CDH12: variants seen among roughly 807,000 people sequenced by gnomAD.
CDH12 encodes the protein cadherin-12.
A neutral mutation model predicts 74.1 loss-of-function variants in CDH12; 41 were observed. That is an observed-to-expected ratio of 0.55 (90% confidence interval 0.43 to 0.72). The LOEUF (loss-of-function observed/expected upper bound fraction) is 0.72. CDH12 is among the 30% of genes least tolerant of loss of function. The pLI, the probability that CDH12 is intolerant of heterozygous loss-of-function variation, is 0.00. For synonymous variants in CDH12, 399 were observed against 355.0 expected (o/e 1.12, Z -1.39); for missense variants, 945 against 977.2 (o/e 0.97, Z 0.44).
intron 3 of CDH12, among the ~76,000 whole-genome samples, chr5:22,235,105 C>T (rs553861453): frequency 6.6e-6 from 1 of 152,278 alleles, no homozygotes; most frequent in African/African-American, 2.4e-5. Context: ...ATATCATCAT[C>T]TTGTTTATAT....
chr5:21,777,340 T>C (rs138330199), intron 11 of CDH12, among the ~76,000 whole-genome samples: 1 of 152,150 alleles, frequency 6.6e-6, no homozygotes, highest in Admixed American at 6.6e-5. Context: ...GTTTTTTCTT[T>C]CTAAAATGCA....
chr5:21,812,098 AC>A (rs1747777628), intron 9 of CDH12, among the ~76,000 whole-genome samples: 1 of 152,058 alleles, frequency 6.6e-6, no homozygotes, highest in South Asian at 2.1e-4. Context: ...AACAGTAATA[AC>A]AATATGTACT....
At chr5:22,435,293 C>T (rs1561401904) in intron 2 of CDH12, among the ~76,000 whole-genome samples, 1 of 152,024 alleles carries the variant, frequency 6.6e-6, no homozygotes, top group Non-Finnish European at 1.5e-5. Flanking sequence ...CCAAGTTCTT[C>T]AGCTTTGGGA....
At chr5:22,203,644 A>G (rs192212705) in intron 4 of CDH12, among the ~76,000 whole-genome samples, 3 of 152,272 alleles carry the variant, frequency 2.0e-5, no homozygotes. Flanking sequence ...TGGTAGTTCT[A>G]TTTTTAATAT....
At chr5:22,677,890 C>T (rs1310789600) in intron 1 of CDH12, among the ~76,000 whole-genome samples, 1 of 152,034 alleles carries the variant, frequency 6.6e-6, no homozygotes, top group Non-Finnish European at 1.5e-5. Flanking sequence ...TGAAGGACCT[C>T]TTCCTGGTGA....
chr5:21,945,670 G>C (rs980705999), intron 6 of CDH12, among the ~76,000 whole-genome samples: 6 of 151,554 alleles, frequency 4.0e-5, no homozygotes, highest in African/African-American at 1.5e-4. Context: ...CAAAAGAAGA[G>C]AGCACAGAGC....
chr5:21,798,878 G>A (rs2149918189), intron 10 of CDH12, among the ~76,000 whole-genome samples: 1 of 152,104 alleles, frequency 6.6e-6, no homozygotes, highest in Admixed American at 6.6e-5. Flanking sequence ...ACAGACATTG[G>A]TACCAAACGG....
intron 6 of CDH12, among the ~76,000 whole-genome samples, chr5:21,974,777 G>C (rs888991343): frequency 6.6e-6 from 1 of 152,014 alleles, no homozygotes; most frequent in Admixed American, 6.6e-5. Flanking sequence ...GCACTATATA[G>C]GTGTCTGGAA....
chr5:22,429,578 T>C (rs1446474549), intron 2 of CDH12, among the ~76,000 whole-genome samples: 1 of 152,202 alleles, frequency 6.6e-6, no homozygotes, highest in Non-Finnish European at 1.5e-5. Flanking sequence ...ATCAGCACCA[T>C]CCTATCATTT....
At chr5:21,840,047 C>T (rs929884537) in intron 8 of CDH12, among the ~76,000 whole-genome samples, 7 of 152,074 alleles carry the variant, frequency 4.6e-5, no homozygotes, top group African/African-American at 1.7e-4. Flanking sequence ...TATTACAAAA[C>T]TAAAATGAAA....
At chr5:22,532,923 G>A (rs996637765) in intron 1 of CDH12, among the ~76,000 whole-genome samples, 1 of 151,224 alleles carries the variant, frequency 6.6e-6, no homozygotes, top group African/African-American at 2.4e-5. Context: ...AAAGCATAAA[G>A]GATAAAATAT....
At chr5:22,252,295 T>A (rs913916172) in intron 3 of CDH12, among the ~76,000 whole-genome samples, 1 of 152,150 alleles carries the variant, frequency 6.6e-6, no homozygotes, top group East Asian at 1.9e-4. Context: ...GGGACACATA[T>A]AATAATGCAA....
At chr5:22,102,420 G>A (rs1744187879) in intron 4 of CDH12, among the ~76,000 whole-genome samples, 1 of 152,140 alleles carries the variant, frequency 6.6e-6, no homozygotes, top group Non-Finnish European at 1.5e-5. Context: ...TGTTATCCCA[G>A]CACTTTGGGA....
At chr5:22,823,350 T>A (rs189487142) in intron 1 of CDH12, among the ~76,000 whole-genome samples, 3 of 151,778 alleles carry the variant, frequency 2.0e-5, no homozygotes, top group Admixed American at 6.6e-5. Context: ...AACCTGCACA[T>A]TGTGCACATC....
At position 22,630,348 on chromosome 5, in the gene CDH12, C is replaced by A. The variant is rs1738520266; in HGVS notation, c.-522-124984G>T. ...GAACAAAACTGGAGGTATCATATTA[C>A]CCCACTTGAACAAAACTGGAGGTAC... On this transcript the variant is annotated intron_variant, in intron 1 of 14. Coordinates refer to ENST00000382254, the MANE Select transcript of CDH12 (RefSeq NM_004061.5). Among the ~76,000 whole-genome samples, 5 of 151,994 alleles carry A rather than the reference C, an allele frequency of 3.3e-5. No individual in the cohort carries two copies. In the South Asian group the frequency reaches 1.0e-3, roughly 32 times the overall value.
At chr5:22,667,677 C>A (rs1323665611) in intron 1 of CDH12, among the ~76,000 whole-genome samples, 2 of 152,088 alleles carry the variant, frequency 1.3e-5, no homozygotes, top group South Asian at 2.1e-4. Context: ...GCTAGGATGT[C>A]CAGAATGAAT....
At chr5:22,508,017 T>C (rs1432487366) in intron 1 of CDH12, among the ~76,000 whole-genome samples, 1 of 152,238 alleles carries the variant, frequency 6.6e-6, no homozygotes, top group African/African-American at 2.4e-5. Context: ...CTTCTGCCTC[T>C]CATTTTTAAG....
At chr5:22,076,765 A>G (rs1742343001) in intron 5 of CDH12, among the ~76,000 whole-genome samples, 1 of 152,086 alleles carries the variant, frequency 6.6e-6, no homozygotes, top group South Asian at 2.1e-4. Context: ...TTTTGGAGTG[A>G]CTTCCTCAAA....
intron 11 of CDH12, among the ~76,000 whole-genome samples, chr5:21,772,464 T>C (rs371293822): frequency 3.9e-5 from 6 of 152,304 alleles, no homozygotes; most frequent in Non-Finnish European, 1.5e-5. Flanking sequence ...TAGAGCTTGA[T>C]GTATGCTATT....
Sources: allele counts gnomAD v4.1 joint callset (sites outside exome capture counted in the v4.1 genomes callset), GRCh38; gene constraint gnomAD v4.1.1; transcripts MANE v1.5; gene names NCBI Gene and HGNC (gene_info 2026-07-23, HGNC 2026-07-21).